The following ZNF695 variants were observed in gnomAD, a reference collection of about 807,000 sequenced individuals.
ZNF695 encodes zinc finger protein SBZF3.
Under a neutral mutation model 11.2 loss-of-function variants are expected in ZNF695, and 11 were observed. That is an observed-to-expected ratio of 0.98 (90% CI 0.62 to 1.62). The LOEUF (loss-of-function observed/expected upper bound fraction) is 1.62. Ranked by LOEUF, ZNF695 falls within the 40% of genes most tolerant of loss-of-function variation. ZNF695 has a pLI of 0.00. For synonymous variants in ZNF695, 190 were observed against 201.4 expected (o/e 0.94, Z 0.48); for missense variants, 559 against 590.5 (o/e 0.95, Z 0.55).
At chr1:246,958,769 G>A (rs965467897) in intron 5 of ZNF695, among the ~76,000 whole-genome samples, 2 of 152,164 alleles carry the variant, frequency 1.3e-5, no homozygotes, top group Admixed American at 6.5e-5. Flanking sequence ...CATGATTGTT[G>A]TACTTTAAGC....
chr1:247,000,878 C>T (rs973706839), intron 1 of ZNF695, among the ~76,000 whole-genome samples: 5 of 152,116 alleles, frequency 3.3e-5, no homozygotes, highest in South Asian at 2.1e-4. Flanking sequence ...CAGCTAACAA[C>T]GCAATGACAG....
intron 5 of ZNF695, among the ~76,000 whole-genome samples, chr1:246,964,289 G>T (rs1211412070): frequency 1.3e-5 from 2 of 152,112 alleles, no homozygotes; most frequent in African/African-American, 4.8e-5. Flanking sequence ...TGAGCTGAAA[G>T]TTCCAAGTTT....
At chr1:246,995,502 G>A (rs1202065227) in intron 3 of ZNF695, among the ~76,000 whole-genome samples, 2 of 152,164 alleles carry the variant, frequency 1.3e-5, no homozygotes, top group African/African-American at 4.8e-5. Flanking sequence ...CCACAAAGAA[G>A]AACAATGTTG....
At chr1:246,998,134 G>A (rs1047569032) in intron 3 of ZNF695, among the ~76,000 whole-genome samples, 11 of 152,064 alleles carry the variant, frequency 7.2e-5, no homozygotes, top group African/African-American at 1.2e-4. Context: ...CCATGACACC[G>A]TACAATAGTT....
intron 3 of ZNF695, among the ~76,000 whole-genome samples, chr1:246,988,564 GA>G (rs1264612818): frequency 2.0e-5 from 3 of 151,538 alleles, no homozygotes; most frequent in East Asian, 3.9e-4. Context: ...AGTGCTGAAA[GA>G]AAAAAAACCT....
At chr1:246,997,169 C>T (rs1398764255) in intron 3 of ZNF695, among the ~76,000 whole-genome samples, 2 of 152,100 alleles carry the variant, frequency 1.3e-5, no homozygotes, top group Non-Finnish European at 2.9e-5. Context: ...TGAGACCAGC[C>T]TGGGCAGGAG....
At chr1:246,959,296 A>AT (rs1668090925) in intron 5 of ZNF695, among the ~76,000 whole-genome samples, 8 of 63,440 alleles carry the variant, frequency 1.3e-4, no homozygotes, top group Admixed American at 1.9e-4. Context: ...AAAAAAAAAA[A>AT]AAAAAAAAAA....
At chr1:246,994,958 G>C (rs1412800961) in intron 3 of ZNF695, among the ~76,000 whole-genome samples, 1 of 152,198 alleles carries the variant, frequency 6.6e-6, no homozygotes, top group African/African-American at 2.4e-5. Context: ...ATGTATGTCT[G>C]TGTATTTATG....
At chr1:246,946,220 T>C (rs892296501) in intron 5 of ZNF695, among the ~76,000 whole-genome samples, 3 of 152,182 alleles carry the variant, frequency 2.0e-5, no homozygotes, top group African/African-American at 7.2e-5. Context: ...CCATCTTGAT[T>C]GCTTTCTGAT....
intron 5 of ZNF695, among the ~76,000 whole-genome samples, chr1:246,955,403 A>G (rs1222227502): frequency 6.6e-6 from 1 of 152,168 alleles, no homozygotes; most frequent in African/African-American, 2.4e-5. Flanking sequence ...ACTGTCGTCT[A>G]TGAGGTCCAT....
At position 246,993,130 on chromosome 1, in the gene ZNF695, C is replaced by T. The variant is rs572309307; in HGVS notation, c.260-4875G>A. Among the ~76,000 whole-genome samples, 842 of 152,242 alleles carry T rather than the reference C, an allele frequency of 5.5e-3. 7 individuals carry two copies. The highest frequency in any genetic ancestry group is 0.012 in the Admixed American group (177 of 15,286). On this transcript the variant is annotated intron_variant, in intron 3 of 3. Transcript: ENST00000339986. The stretch of plus-strand genomic sequence containing the variant: ...AAACCTCTGTAATTAAGAAAATAGC[C>T]GGGTGCAGTGGCTCACGCCAGTAAT...
intron 5 of ZNF695, among the ~76,000 whole-genome samples, chr1:246,962,528 A>G (rs1337143638): frequency 1.3e-5 from 2 of 152,148 alleles, no homozygotes; most frequent in Non-Finnish European, 2.9e-5. Context: ...GACTTAATTC[A>G]GGTCCTCATC....
intron 5 of ZNF695, chr1:246,967,502 C>T: frequency 2.2e-6 from 1 of 455,286 alleles, no homozygotes; most frequent in Non-Finnish European, 4.4e-6. Flanking sequence ...AGGATGATGT[C>T]AAGGTTTTGG....
intron 4 of ZNF695, among the ~76,000 whole-genome samples, chr1:246,979,364 G>C (rs1297204725): frequency 1.3e-5 from 2 of 152,066 alleles, no homozygotes; most frequent in African/African-American, 4.8e-5. Flanking sequence ...TACAGCCCTC[G>C]TTTCTCCTGA....
At chr1:247,003,755 A>G (rs1015968947) in intron 1 of ZNF695, among the ~76,000 whole-genome samples, 1 of 152,244 alleles carries the variant, frequency 6.6e-6, no homozygotes, top group Admixed American at 6.5e-5. Flanking sequence ...TTTAGTTACT[A>G]AATTTGAGTT....
At chr1:246,958,198 A>G (rs1266612724) in intron 5 of ZNF695, among the ~76,000 whole-genome samples, 1 of 151,670 alleles carries the variant, frequency 6.6e-6, no homozygotes, top group Non-Finnish European at 1.5e-5. Context: ...ACCTGGGACT[A>G]CAGGTGCACA....
chr1:246,981,224 G>A (rs1668702857), downstream of ZNF695, among the ~76,000 whole-genome samples: 2 of 152,136 alleles, frequency 1.3e-5, no homozygotes, highest in Admixed American at 1.3e-4. Flanking sequence ...AAAAGACAGA[G>A]GATAAGTGTT....
intron 5 of ZNF695, among the ~76,000 whole-genome samples, chr1:246,965,928 GA>G (rs1207599074): frequency 6.6e-6 from 1 of 150,614 alleles, no homozygotes; most frequent in Non-Finnish European, 1.5e-5. Flanking sequence ...AACTAACCCA[GA>G]AAATTAAAAA....
At position 246,985,651 on chromosome 1, in the gene ZNF695, G is replaced by T; in HGVS notation, c.*1316C>A. ...ATTAAGTTCAAACAGTCTAAAAAGA[G>T]CATTTCAAAATCCACTGAATTTTAT... On this transcript the variant is annotated 3_prime_UTR_variant, in exon 4 of 4. Transcript: ENST00000339986. The T allele has an allele frequency of 1.0e-6, 1 of 985,288 alleles. No homozygotes were observed. Among genetic ancestry groups the T allele is most frequent in the Non-Finnish European group, 1.2e-6 (1 of 829,880 alleles). 61.0% of individuals were successfully genotyped at this position (985,288 alleles called of 1,614,324 possible). A position where few individuals can be genotyped will look rare whatever the true frequency, so the allele number is the denominator to read the frequency against.
Sources: allele counts gnomAD v4.1 joint callset (sites outside exome capture counted in the v4.1 genomes callset), GRCh38; gene constraint gnomAD v4.1.1; transcripts MANE v1.5; gene names NCBI Gene and HGNC (gene_info 2026-07-23, HGNC 2026-07-21).